Variants in MUC6 observed in about 807,000 individuals in gnomAD.
MUC6 encodes the protein mucin-6.
MUC6 carries 188 observed loss-of-function variants against 201.5 expected under a neutral mutation model. That is an observed-to-expected ratio of 0.93 (90% CI 0.83 to 1.05). The LOEUF is 1.05. MUC6 is among the 50% of genes least tolerant of loss of function. The pLI is 0.00. For missense variants in MUC6, 2,706 were observed against 3,256.9 expected (o/e 0.83, Z 4.12); for synonymous variants, 1,228 against 1,389.4 (o/e 0.88, Z 2.58).
chr11:1,036,693 G>A lies in MUC6; in HGVS notation c.-38C>T. ...AGAGGAGCTCGCGCTGGGCCCGGCA[G>A]GCCTGCTGCTGCCATCCATGCGGCT... On this transcript the variant is annotated 5_prime_UTR_variant, in exon 1 of 33. Transcript: ENST00000421673. The A allele has an allele frequency of 6.5e-7, 1 of 1,540,144 alleles. No individual in the cohort carries two copies. Among genetic ancestry groups the A allele is most frequent in the Non-Finnish European group, 8.7e-7 (1 of 1,144,434 alleles).
At position 1,030,639 on chromosome 11, in the gene MUC6, C is replaced by T; in HGVS notation, c.826G>A (p.Glu276Lys). 6.5e-6 allele frequency: 10 copies of T among 1,542,918 alleles called. No individual in the cohort carries two copies. Among genetic ancestry groups the T allele is most frequent in the Non-Finnish European group, 8.7e-6 (10 of 1,145,684 alleles). The change falls in exon 7 of 33, where the codon GAG (glutamate) becomes AAG (lysine). Residue 276 changes from glutamate (E) to lysine (K), a missense_variant. Around this residue, in one of 10 missense-constraint regions of MUC6, gnomAD observed 1,850 missense variants for 1,958.3 expected, o/e 0.94. Coordinates refer to ENST00000421673, the MANE Select transcript of MUC6 (RefSeq NM_005961.3). ...ACCATGCTGCACTGGCGGGAGTACT[C>T]CGACAGGGTGGCACAACTGCTGTTC... ...PQNSSCATLS[E>K]YSRQCSMVGQ... is the part of the protein sequence containing the mutation.
intron 25 of MUC6, 27 bp from the exon 26 acceptor site, chr11:1,023,679 TG>T: frequency 6.2e-7 from 1 of 1,609,698 alleles, no homozygotes; most frequent in Non-Finnish European, 8.5e-7. Context: ...TGTCAGCTGG[TG>T]GGGTTCCTGG....
intron 1 of MUC6, among the ~76,000 whole-genome samples, chr11:1,035,385 C>T (rs1487977764): frequency 6.6e-6 from 1 of 152,182 alleles, no homozygotes; most frequent in African/African-American, 2.4e-5. Context: ...TGGCACTTGT[C>T]CCCAAGCTGT....
At chr11:1,024,287 C>T (rs1284350116) in intron 24 of MUC6, among the ~76,000 whole-genome samples, 184 bp from the exon 25 acceptor site, 1 of 152,196 alleles carries the variant, frequency 6.6e-6, no homozygotes, top group African/African-American at 2.4e-5. Flanking sequence ...GCCGATGCTG[C>T]CACGGAGGCC....
Position 1,029,084 on chromosome 11 carries a change from C to G in MUC6, c.1342G>C (p.Glu448Gln). The part of the protein sequence containing the change: ...VYDKSGVSHS[E>Q]TSLVAVVYLS... ...TAGACCACAGCCACCAGGGAGGTCT[C>G]GGAGTGTGAGACGCCGGACTTGTCG... is the stretch of plus-strand genomic sequence containing the variant. The change falls in exon 11 of 33, where the codon GAG becomes CAG. Residue 448 changes from glutamate to glutamine, a missense_variant. Physicochemically the swap from Glu to Gln is conservative, Grantham distance 29 (BLOSUM62 2). This residue lies in a region of MUC6 where 1,850 missense variants were observed against 1,958.3 expected (regional missense o/e 0.94). Coordinates refer to ENST00000421673, the MANE Select transcript of MUC6 (RefSeq NM_005961.3). 1.2e-6 allele frequency: 2 copies of G among 1,612,746 alleles called. No individual in the cohort carries two copies. Among genetic ancestry groups the G allele is most frequent in the Non-Finnish European group, 1.7e-6 (2 of 1,179,820 alleles).
chr11:1,029,395 G>A (rs1857048552), intron 9 of MUC6, 29 bp from the exon 10 acceptor site: 2 of 1,594,154 alleles, frequency 1.3e-6, no homozygotes, highest in East Asian at 4.5e-5. Flanking sequence ...GTAGCGGCAT[G>A]GTGGGCAGGG....
At chr11:1,024,345 C>T (rs1177779997) in intron 24 of MUC6, among the ~76,000 whole-genome samples, 1 of 152,236 alleles carries the variant, frequency 6.6e-6, no homozygotes, top group Non-Finnish European at 1.5e-5. Context: ...CAAGATGCCG[C>T]TGCCGCTAAC....
intron 29 of MUC6, 166 bp downstream of exon 29, chr11:1,019,924 C>T (rs1004872610): frequency 1.9e-5 from 18 of 969,888 alleles, no homozygotes; most frequent in Admixed American, 4.4e-5. Flanking sequence ...AAAGTTTTTC[C>T]GAAAAATCCC....
At position 1,025,204 on chromosome 11, in the gene MUC6, A is replaced by T; in HGVS notation, c.2963T>A (p.Ile988Asn). The T allele has an allele frequency of 6.2e-7, 1 of 1,612,440 alleles. No individual in the cohort carries two copies. Among genetic ancestry groups the T allele is most frequent in the Non-Finnish European group, 8.5e-7 (1 of 1,179,548 alleles). The change falls in exon 23 of 33, where the codon ATC becomes AAC. Residue 988 changes from isoleucine (I) to asparagine (N), a missense_variant. Ile to Asn is a moderately radical substitution (Grantham distance 149). Transcript: ENST00000421673. Reference sequence around the variant, plus strand: ...TACCTGGGAGGCACGGGCGATCCTGATGAGGATGGTCATGTGCCTGTTCCA... The same window carrying T: ...TACCTGGGAGGCACGGGCGATCCTGTTGAGGATGGTCATGTGCCTGTTCCA... Reference protein sequence around the residue: ...LIWNRHMTILIRIARASQDPL... With the variant: ...LIWNRHMTILNRIARASQDPL...
At chr11:1,015,457 C>CT (rs1856580706) in intron 31 of MUC6, among the ~76,000 whole-genome samples, 1 of 152,142 alleles carries the variant, frequency 6.6e-6, no homozygotes. Flanking sequence ...AGGTAACACT[C>CT]TGAGGGGAGG....
rs1295432042 is a variant in MUC6 at position 1,029,555 on chromosome 11, C to T, written c.1076G>A (p.Cys359Tyr). 2 of 1,611,772 alleles carry T rather than the reference C, an allele frequency of 1.2e-6. No homozygotes were observed. Among genetic ancestry groups the T allele is most frequent in the African/African-American group, 2.7e-5 (2 of 74,882 alleles). Residue 359 changes from cysteine to tyrosine, a missense_variant, in exon 9 of 33, where the codon TGT (cysteine) becomes TAT (tyrosine). Around this residue, in one of 10 missense-constraint regions of MUC6, gnomAD observed 1,850 missense variants for 1,958.3 expected, o/e 0.94. Coordinates refer to ENST00000421673, the MANE Select transcript of MUC6 (RefSeq NM_005961.3). Reference protein sequence around the residue: ...HTCVPVTQCPCVLHGAMYAPG... With the variant: ...HTCVPVTQCPYVLHGAMYAPG... ...GGCATACATGGCGCCGTGGAGCACA[C>T]AGGGGCACTGGGTGACGGGCACGCA... is the stretch of plus-strand genomic sequence containing the variant.
Position 1,025,083 on chromosome 11 carries a change from C to T in MUC6, c.2986G>A (p.Asp996Asn). Residue 996 changes from aspartate to asparagine, a missense_variant and splice_region_variant, in exon 24 of 33, where the codon GAT becomes AAT. Physicochemically the swap from Asp to Asn is conservative, Grantham distance 23. Around this residue, in one of 10 missense-constraint regions of MUC6, gnomAD observed 1,850 missense variants for 1,958.3 expected, o/e 0.94. Coordinates refer to ENST00000421673, the MANE Select transcript of MUC6 (RefSeq NM_005961.3). ...ILIRIARASQ[D>N]PLCGLCGNFN... ...TTGCCACACAAGCCGCAGAGGGGAT[C>T]CTGCAGACGGTGGCATCAGGCCGGG... The T allele has an allele frequency of 6.2e-7, 1 of 1,612,932 alleles. No individual in the cohort carries two copies. The highest frequency in any genetic ancestry group is 8.5e-7 in the Non-Finnish European group (1 of 1,179,840).
At chr11:1,026,758 G>T (rs1423731212) in intron 19 of MUC6, among the ~76,000 whole-genome samples, 183 bp downstream of exon 19, 1 of 152,248 alleles carries the variant, frequency 6.6e-6, no homozygotes, top group East Asian at 1.9e-4. Context: ...TCCTTAGGGA[G>T]CCCTGCAGAC....
intron 22 of MUC6, 32 bp from the exon 23 acceptor site, chr11:1,025,399 T>C: frequency 1.9e-6 from 3 of 1,593,536 alleles, no homozygotes; most frequent in Non-Finnish European, 2.6e-6. Context: ...GGACTGCCTG[T>C]CTGTCTCCCC....
rs1856909220 is a variant in MUC6, at chr11:1,024,740, G to T, written c.3225+104C>A. The T allele has an allele frequency of 4.7e-6, 7 of 1,476,104 alleles. No homozygotes were observed. The Admixed American group carries it at 6.3e-5, about 13-fold the overall frequency. The allele number at this position is 1,476,104 out of a possible 1,614,324, so 91.4% of individuals were successfully genotyped here. On this transcript the variant is annotated intron_variant, in intron 24 of 32. Transcript: ENST00000421673. ...CTGCACCCTGACCTGGCTGGTCTGGGATCCCACGGAGGGAGAACCGTGCCT... is the reference window on the plus strand; with the variant it reads ...CTGCACCCTGACCTGGCTGGTCTGGTATCCCACGGAGGGAGAACCGTGCCT...
intron 24 of MUC6, 92 bp downstream of exon 24, chr11:1,024,752 G>A (rs1856909492): frequency 1.3e-6 from 2 of 1,498,108 alleles, no homozygotes; most frequent in Non-Finnish European, 1.8e-6. Flanking sequence ...TCCCACGGAG[G>A]GAGAACCGTG....
intron 2 of MUC6, among the ~76,000 whole-genome samples, chr11:1,032,324 G>T (rs113287804): frequency 5.9e-5 from 9 of 152,090 alleles, no homozygotes; most frequent in Admixed American, 1.3e-4. Context: ...TGCGTGTCTC[G>T]GGTGTGTGCA....
chr11:1,015,015 C>T (rs1189991636), intron 31 of MUC6, among the ~76,000 whole-genome samples: 1 of 152,370 alleles, frequency 6.6e-6, no homozygotes, highest in Admixed American at 6.5e-5. Context: ...GCAACTGTGG[C>T]GTTGTCGCCT....
rs566564048 is a variant in MUC6 at position 1,025,290 on chromosome 11, C to T, written c.2877G>A (p.Pro959=). The change falls in exon 23 of 33, where the codon CCG becomes CCA. Residue 959 remains proline (P), a synonymous_variant. Coordinates refer to ENST00000421673, the MANE Select transcript of MUC6 (RefSeq NM_005961.3). Reference sequence around the variant, plus strand: ...TGTCCACGACAAGGCTCAGCGCACCCGGCGTCACCCCGAGCTGCACGTGGG... The same window carrying T: ...TGTCCACGACAAGGCTCAGCGCACCTGGCGTCACCCCGAGCTGCACGTGGG... ...EEPHVQLGVT[P]GALSLVVDIS... The T allele has an allele frequency of 2.0e-5, 32 of 1,612,736 alleles. No individual in the cohort carries two copies. The highest frequency in any genetic ancestry group is 8.9e-5 in the East Asian group (4 of 44,882).
Sources: gnomAD v4.1 joint callset for allele counts (sites outside exome capture counted in the v4.1 genomes callset) on GRCh38, gnomAD v4.1.1 for gene constraint, gnomAD v4.1.1 regional missense constraint, MANE v1.5 for transcripts, NCBI Gene and HGNC (gene_info 2026-07-23, HGNC 2026-07-21) for gene names.